Variants in ANKRD26 observed in about 807,000 individuals in gnomAD.
The protein encoded by ANKRD26 is ankyrin repeat domain-containing protein 26.
Under a neutral mutation model 208.7 loss-of-function variants are expected in ANKRD26, and 141 were observed. The observed-to-expected ratio is 0.68, with a 90% CI of 0.59 to 0.78. The LOEUF is 0.78. Among genes scored for constraint, ANKRD26 ranks in the 30% least tolerant of loss-of-function variants. The probability of loss-of-function intolerance (pLI) is 0.00; values close to 1 mark genes in which losing one functional copy is unlikely to be tolerated. For missense variants in ANKRD26, 1,889 were observed against 1,938.7 expected (o/e 0.97, Z 0.48); for synonymous variants, 636 against 660.4 (o/e 0.96, Z 0.57).
intron 29 of ANKRD26, among the ~76,000 whole-genome samples, chr10:27,021,604 G>A (rs1478730681): frequency 1.3e-5 from 2 of 152,104 alleles, no homozygotes; most frequent in African/African-American, 4.8e-5. Flanking sequence ...AGAAATGTCT[G>A]TTTCAGATTT....
At chr10:27,083,302 TCTTAA>T (rs776360304) in intron 5 of ANKRD26, among the ~76,000 whole-genome samples, 49 of 152,154 alleles carry the variant, frequency 3.2e-4, no homozygotes, top group Admixed American at 3.3e-4. Flanking sequence ...AAACATGCAC[TCTTAA>T]CTGATAGCTT....
exon 6 of ANKRD26, chr10:26,991,926 A>C (rs1222370558): frequency 2.0e-5 from 3 of 152,246 alleles, no homozygotes; most frequent in Non-Finnish European, 2.9e-5. Flanking sequence ...CATAGACAAT[A>C]GGGCGGAGGA....
At chr10:27,065,922 G>A (rs2055228507) in intron 11 of ANKRD26, among the ~76,000 whole-genome samples, 2 of 129,664 alleles carry the variant, frequency 1.5e-5, no homozygotes, top group Non-Finnish European at 3.1e-5. Context: ...ATGGAGTGCA[G>A]CAGCGCGATC....
At chr10:26,977,841 C>A (rs1376164129) in intron 5 of ANKRD26, among the ~76,000 whole-genome samples, 3 of 152,180 alleles carry the variant, frequency 2.0e-5, no homozygotes, top group Non-Finnish European at 4.4e-5. Flanking sequence ...GCAGAATGTG[C>A]CCTGCCCTAC....
intron 16 of ANKRD26, chr10:27,050,997 T>A: frequency 8.7e-7 from 1 of 1,148,552 alleles, no homozygotes; most frequent in East Asian, 5.9e-5. Context: ...AAGCAGAAAA[T>A]CAGAATGGAT....
chr10:26,969,036 G>A (rs889768443), downstream of ANKRD26, among the ~76,000 whole-genome samples: 2 of 152,172 alleles, frequency 1.3e-5, no homozygotes, highest in East Asian at 3.9e-4. Context: ...TAGGGATCCA[G>A]ATCCCGTTTA....
At chr10:27,066,457 TA>T in intron 11 of ANKRD26, 29 bp downstream of exon 11, 1 of 1,525,678 alleles carries the variant, frequency 6.6e-7, no homozygotes. Flanking sequence ...GCTTATATTT[TA>T]AAATAATAGT....
intron 9 of ANKRD26, among the ~76,000 whole-genome samples, chr10:27,067,933 G>T (rs546894338): frequency 1.3e-5 from 2 of 152,302 alleles, no homozygotes; most frequent in South Asian, 4.1e-4. Context: ...ATCAAGTGCG[G>T]GTAGAGATAA....
the ANKRD26 span, among the ~76,000 whole-genome samples, chr10:26,963,196 G>A: frequency 1.3e-5 from 2 of 152,168 alleles, no homozygotes; most frequent in Non-Finnish European, 2.9e-5. Flanking sequence ...GTCTCAGGAT[G>A]CCTGTCTTTG....
intron 28 of ANKRD26, among the ~76,000 whole-genome samples, chr10:27,024,231 G>T (rs1002685775): frequency 2.0e-5 from 3 of 152,190 alleles, no homozygotes; most frequent in African/African-American, 7.2e-5. Context: ...CAAAGGCATT[G>T]TTACTGCTTT....
In ANKRD26 at chr10:27,005,675, G is replaced by A; in HGVS notation, c.5048C>T (p.Thr1683Ile). 6.2e-7 allele frequency: 1 copy of A among 1,612,904 alleles called. No individual in the cohort carries two copies. Among genetic ancestry groups the A allele is most frequent in the Non-Finnish European group, 8.5e-7 (1 of 1,179,364 alleles). ...SGSIASPLGS[T>I]DESNLNQDLV... is the part of the protein sequence containing the mutation. ...ATCTTGATTTAGATTTGACTCATCA[G>A]TAGACCCTAGAGGGGAAGCTATTGA... The change falls in exon 34 of 34, where the codon ACT becomes ATT. Residue 1683 changes from threonine (T) to isoleucine (I), a missense_variant. Physicochemically the swap from Thr to Ile is moderately conservative, Grantham distance 89 (BLOSUM62 -1). Transcript: ENST00000376087.
the ANKRD26 span, among the ~76,000 whole-genome samples, chr10:26,966,687 A>C: frequency 6.6e-6 from 1 of 152,192 alleles, no homozygotes; most frequent in Non-Finnish European, 1.5e-5. Context: ...ACCTTGTTTA[A>C]TTGCAAGGAA....
the ANKRD26 span, among the ~76,000 whole-genome samples, chr10:26,962,810 C>T: frequency 6.6e-6 from 1 of 152,066 alleles, no homozygotes; most frequent in Non-Finnish European, 1.5e-5. Context: ...AATCGCTTGG[C>T]TGGAGCAGTT....
At chr10:26,953,040 T>C in the ANKRD26 span, among the ~76,000 whole-genome samples, 3 of 152,218 alleles carry the variant, frequency 2.0e-5, no homozygotes, top group Admixed American at 2.0e-4. Flanking sequence ...TCTTCCAATA[T>C]TGATTATACC....
In ANKRD26 at chr10:27,020,046, A is replaced by T. The variant is rs1441780303; in HGVS notation, c.4216-2254T>A. ...CAACGGCAAGGAGTCTGAGATAGGA[A>T]GCCTCTTCTAATCTAATGCCGAAGT... On this transcript the variant is annotated intron_variant, in intron 29 of 33. Transcript: ENST00000376087. Among the ~76,000 whole-genome samples, 5 of 152,262 alleles carry T rather than the reference A, an allele frequency of 3.3e-5. No individual in the cohort carries two copies. In the East Asian group the frequency reaches 7.7e-4, roughly 24 times the overall value.
intron 3 of ANKRD26, among the ~76,000 whole-genome samples, chr10:26,984,329 A>C (rs2052352595): frequency 6.6e-6 from 1 of 152,206 alleles, no homozygotes; most frequent in Non-Finnish European, 1.5e-5. Context: ...CCCAAGTCAA[A>C]GGTTGATATT....
At chr10:26,961,088 A>T in the ANKRD26 span, among the ~76,000 whole-genome samples, 1 of 151,872 alleles carries the variant, frequency 6.6e-6, no homozygotes, top group East Asian at 1.9e-4. Context: ...GTGGTGGTGC[A>T]TGCCTGTAAT....
chr10:26,997,111 A>T (rs2052611102), intron 4 of ANKRD26, among the ~76,000 whole-genome samples: 1 of 152,122 alleles, frequency 6.6e-6, no homozygotes, highest in Non-Finnish European at 1.5e-5. Context: ...GTGGCCCAAA[A>T]GATTGAAAGG....
At chr10:27,073,555 A>G (rs765566947) in intron 9 of ANKRD26, among the ~76,000 whole-genome samples, 10 of 152,166 alleles carry the variant, frequency 6.6e-5, no homozygotes, top group Admixed American at 2.6e-4. Flanking sequence ...CCCTGAAAAC[A>G]CTTTAGTGCA....
Sources: gnomAD v4.1 joint callset for allele counts (sites outside exome capture counted in the v4.1 genomes callset) on GRCh38, gnomAD v4.1.1 for gene constraint, MANE v1.5 for transcripts, NCBI Gene and HGNC (gene_info 2026-07-23, HGNC 2026-07-21) for gene names.